Variants in POFUT3 observed in about 807,000 individuals in gnomAD.
POFUT3 encodes the protein protein O-fucosyltransferase 3.
At chr8:33,445,202 G>A in the POFUT3 span, among the ~76,000 whole-genome samples, 12,408 of 152,168 alleles carry the variant, frequency 0.082, 652 homozygotes, top group African/African-American at 0.15. Flanking sequence ...CCAAAGGGCT[G>A]GGACTACAGG....
At chr8:33,387,672 C>T in the POFUT3 span, among the ~76,000 whole-genome samples, 1 of 152,096 alleles carries the variant, frequency 6.6e-6, no homozygotes, top group Non-Finnish European at 1.5e-5. Flanking sequence ...GGTGTGGTGA[C>T]TTATGCCTGT....
At chr8:33,466,771 C>G in the POFUT3 span, among the ~76,000 whole-genome samples, 2 of 152,034 alleles carry the variant, frequency 1.3e-5, no homozygotes, top group African/African-American at 4.8e-5. Context: ...CAAAAGAGAA[C>G]AGTAAGGGAG....
At chr8:33,444,287 C>T in the POFUT3 span, among the ~76,000 whole-genome samples, 1 of 151,948 alleles carries the variant, frequency 6.6e-6, no homozygotes, top group Non-Finnish European at 1.5e-5. Context: ...CAGAAATGCA[C>T]CCCAGTTGGA....
chr8:33,323,142 A>C, the POFUT3 span, among the ~76,000 whole-genome samples: 3 of 152,184 alleles, frequency 2.0e-5, no homozygotes, highest in Admixed American at 6.5e-5. Context: ...TAAAACTTGC[A>C]GGTGGCTTGA....
At chr8:33,465,727 C>T in the POFUT3 span, among the ~76,000 whole-genome samples, 1 of 152,168 alleles carries the variant, frequency 6.6e-6, no homozygotes, top group African/African-American at 2.4e-5. Flanking sequence ...CCACCTGCCT[C>T]GGCCTCCCAA....
the POFUT3 span, among the ~76,000 whole-genome samples, chr8:33,422,545 CAAAAAAAA>C: frequency 2.7e-5 from 1 of 37,130 alleles, no homozygotes; most frequent in African/African-American, 8.0e-5. Flanking sequence ...AACTCTGTCT[CAAAAAAAA>C]AAAAAAAAAA....
At chr8:33,340,279 C>A in the POFUT3 span, among the ~76,000 whole-genome samples, 1 of 151,748 alleles carries the variant, frequency 6.6e-6, no homozygotes, top group East Asian at 1.9e-4. Context: ...AATGGAAAAT[C>A]TTTGGTGATA....
At chr8:33,431,880 A>G in the POFUT3 span, among the ~76,000 whole-genome samples, 1 of 152,172 alleles carries the variant, frequency 6.6e-6, no homozygotes, top group Non-Finnish European at 1.5e-5. Flanking sequence ...TTAGTCATAA[A>G]TATTAGCAGT....
chr8:33,380,383 C>T, the POFUT3 span, among the ~76,000 whole-genome samples: 2 of 148,714 alleles, frequency 1.3e-5, no homozygotes, highest in South Asian at 4.2e-4. Context: ...TTAGGTGATT[C>T]CTAAGCTACT....
At chr8:33,399,397 CATA>C in the POFUT3 span, among the ~76,000 whole-genome samples, 1 of 152,048 alleles carries the variant, frequency 6.6e-6, no homozygotes, top group Non-Finnish European at 1.5e-5. Context: ...TTTACATAGT[CATA>C]ATAATGTAAA....
At chr8:33,390,618 T>TA in the POFUT3 span, among the ~76,000 whole-genome samples, 1 of 151,588 alleles carries the variant, frequency 6.6e-6, no homozygotes, top group African/African-American at 2.4e-5. Flanking sequence ...TAGATTTTTT[T>TA]AATCCAAAAT....
the POFUT3 span, among the ~76,000 whole-genome samples, chr8:33,415,747 C>T: frequency 1.3e-5 from 2 of 152,302 alleles, no homozygotes; most frequent in East Asian, 3.9e-4. Flanking sequence ...AGAGTATTAA[C>T]AGTCAGGCTT....
the POFUT3 span, among the ~76,000 whole-genome samples, chr8:33,378,664 C>T: frequency 2.0e-5 from 3 of 152,072 alleles, no homozygotes; most frequent in African/African-American, 7.2e-5. Flanking sequence ...TAAAATAGAC[C>T]TCATCTGTGG....
chr8:33,400,815 C>T, the POFUT3 span, among the ~76,000 whole-genome samples: 1 of 152,146 alleles, frequency 6.6e-6, no homozygotes, highest in Non-Finnish European at 1.5e-5. Flanking sequence ...AGACCGTAAG[C>T]AACACAGCAT....
At chr8:33,318,174 G>C in the POFUT3 span, among the ~76,000 whole-genome samples, 3 of 151,854 alleles carry the variant, frequency 2.0e-5, no homozygotes, top group Non-Finnish European at 4.4e-5. Context: ...GAATTCCATA[G>C]TGCAGCAAAG....
chr8:33,315,546 A>G, the POFUT3 span, among the ~76,000 whole-genome samples: 1 of 152,126 alleles, frequency 6.6e-6, no homozygotes, highest in Admixed American at 6.6e-5. Flanking sequence ...GGGGTCAGAA[A>G]GTGGGGGCCG....
chr8:33,393,209 T>C, the POFUT3 span, among the ~76,000 whole-genome samples: 14 of 152,202 alleles, frequency 9.2e-5, no homozygotes, highest in Non-Finnish European at 2.1e-4. Context: ...AATTAACCTA[T>C]GGTATATCCA....
chr8:33,310,673 A>C, the POFUT3 span, among the ~76,000 whole-genome samples: 1 of 149,992 alleles, frequency 6.7e-6, no homozygotes, highest in Non-Finnish European at 1.5e-5. Flanking sequence ...CCTGGGTGAC[A>C]GAGCAAGACT....
At chr8:33,343,116 A>G in the POFUT3 span, among the ~76,000 whole-genome samples, 2 of 151,928 alleles carry the variant, frequency 1.3e-5, no homozygotes, top group Admixed American at 1.3e-4. Flanking sequence ...GTCTAAGAAA[A>G]AAAAAAAAAA....
Sources: allele counts gnomAD v4.1 joint callset (sites outside exome capture counted in the v4.1 genomes callset), GRCh38; gene constraint gnomAD v4.1.1; transcripts MANE v1.5; gene names NCBI Gene and HGNC (gene_info 2026-07-23, HGNC 2026-07-21).